ARL15: variants seen among roughly 807,000 people sequenced by gnomAD.
ARL15 encodes the protein ADP-ribosylation factor-like protein 15.
A neutral mutation model predicts 25.2 loss-of-function variants in ARL15; 19 were observed. That is an observed-to-expected ratio of 0.75 (90% CI 0.53 to 1.10). The LOEUF is 1.10. ARL15 is among the 50% of genes least tolerant of loss of function. The probability of loss-of-function intolerance (pLI) is 0.00; values close to 1 mark genes in which losing one functional copy is unlikely to be tolerated. For synonymous variants in ARL15, 94 were observed against 86.8 expected (o/e 1.08, Z -0.46); for missense variants, 220 against 246.0 (o/e 0.89, Z 0.71).
chr5:54,036,921 T>C (rs1750185903), intron 4 of ARL15, among the ~76,000 whole-genome samples: 1 of 152,148 alleles, frequency 6.6e-6, no homozygotes, highest in Non-Finnish European at 1.5e-5. Flanking sequence ...AAAGGGATGA[T>C]TTTATTTTTA....
At chr5:54,013,904 TG>T (rs1749323609) in intron 4 of ARL15, among the ~76,000 whole-genome samples, 1 of 152,134 alleles carries the variant, frequency 6.6e-6, no homozygotes, top group African/African-American at 2.4e-5. Context: ...GAGACAGACT[TG>T]AGTAATAACT....
At chr5:54,231,545 C>T (rs1756671816) in intron 1 of ARL15, among the ~76,000 whole-genome samples, 1 of 152,208 alleles carries the variant, frequency 6.6e-6, no homozygotes, top group African/African-American at 2.4e-5. Context: ...TGGCAGAGCT[C>T]ATCAGCTTCT....
In ARL15 at chr5:54,035,005, A is replaced by G. The variant is rs1286341592; in HGVS notation, c.462+78197T>C. The stretch of plus-strand genomic sequence containing the variant: ...CTTTTTGAATGACTTAATCTAAAAT[A>G]TTAAAATTCTAACAAGTCAAAACAC... On this transcript the variant is annotated intron_variant, in intron 4 of 4. Coordinates refer to ENST00000504924, the MANE Select transcript of ARL15 (RefSeq NM_019087.3). Among the ~76,000 whole-genome samples the G allele has an allele frequency of 5.3e-5, 8 of 152,244 alleles. No homozygotes were observed. The South Asian group carries it at 1.2e-3, about 24-fold the overall frequency.
At chr5:54,062,725 A>G (rs1359525926) in intron 4 of ARL15, among the ~76,000 whole-genome samples, 1 of 152,172 alleles carries the variant, frequency 6.6e-6, no homozygotes, top group Non-Finnish European at 1.5e-5. Context: ...ATGAAAATGG[A>G]CTAATACATA....
chr5:54,083,222 AAAG>A (rs1191952363), intron 4 of ARL15, among the ~76,000 whole-genome samples: 4 of 152,258 alleles, frequency 2.6e-5, no homozygotes, highest in African/African-American at 9.6e-5. Flanking sequence ...TCCAATTAAA[AAAG>A]AAGAATAAAG....
intron 4 of ARL15, among the ~76,000 whole-genome samples, chr5:53,918,805 T>C (rs935238087): frequency 1.3e-5 from 2 of 148,696 alleles, no homozygotes; most frequent in Non-Finnish European, 3.0e-5. Context: ...TTGAAATATA[T>C]CTTATAATTT....
intron 3 of ARL15, among the ~76,000 whole-genome samples, chr5:54,126,553 C>T (rs1333397198): frequency 6.6e-6 from 1 of 152,170 alleles, no homozygotes; most frequent in Non-Finnish European, 1.5e-5. Flanking sequence ...GAATGTGTCC[C>T]CCAAAAAGCA....
chr5:54,303,065 C>G (rs1758654141), intron 1 of ARL15, among the ~76,000 whole-genome samples: 1 of 152,102 alleles, frequency 6.6e-6, no homozygotes, highest in Non-Finnish European at 1.5e-5. Flanking sequence ...TCTCTTTAGT[C>G]TACCTTAGAA....
chr5:54,128,968 G>A (rs1395668970), intron 3 of ARL15, among the ~76,000 whole-genome samples: 2 of 152,082 alleles, frequency 1.3e-5, no homozygotes, highest in Non-Finnish European at 2.9e-5. Flanking sequence ...GCCTCTCAAA[G>A]TGCTGGATTA....
At chr5:54,022,488 C>A (rs1749637731) in intron 4 of ARL15, among the ~76,000 whole-genome samples, 1 of 152,098 alleles carries the variant, frequency 6.6e-6, no homozygotes, top group Admixed American at 6.6e-5. Flanking sequence ...TCTTATCAAA[C>A]AGAGAAGATT....
intron 4 of ARL15, among the ~76,000 whole-genome samples, chr5:54,094,142 A>G (rs1752214649): frequency 6.6e-6 from 1 of 152,196 alleles, no homozygotes; most frequent in African/African-American, 2.4e-5. Flanking sequence ...CCACCTGCTT[A>G]GCAAATGTCA....
chr5:54,171,626 A>C (rs1007325594), intron 2 of ARL15, among the ~76,000 whole-genome samples, 158 bp downstream of exon 2: 1 of 152,232 alleles, frequency 6.6e-6, no homozygotes, highest in Non-Finnish European at 1.5e-5. Flanking sequence ...TATTAAATTC[A>C]TTTCAAATCT....
At chr5:53,938,227 T>G (rs1277899262) in intron 4 of ARL15, among the ~76,000 whole-genome samples, 1 of 142,474 alleles carries the variant, frequency 7.0e-6, no homozygotes, top group Non-Finnish European at 1.5e-5. Flanking sequence ...TTATCCATAT[T>G]TCTCCTTGGT....
chr5:53,957,534 C>T (rs1209174183), intron 4 of ARL15, among the ~76,000 whole-genome samples: 2 of 151,992 alleles, frequency 1.3e-5, no homozygotes, highest in Admixed American at 6.6e-5. Context: ...TAAAGAATGC[C>T]GTTAAAAGTA....
intron 4 of ARL15, among the ~76,000 whole-genome samples, chr5:53,903,847 A>C (rs62372373): frequency 0.099 from 15,146 of 152,270 alleles, 837 homozygotes; most frequent in Non-Finnish European, 0.13. Context: ...CACTCAGTCT[A>C]CACAGTCACT....
chr5:54,203,915 A>T (rs369181905), intron 1 of ARL15, among the ~76,000 whole-genome samples: 1 of 152,184 alleles, frequency 6.6e-6, no homozygotes, highest in African/African-American at 2.4e-5. Flanking sequence ...GAGGGTATTA[A>T]GGTCATGAAA....
intron 1 of ARL15, among the ~76,000 whole-genome samples, chr5:54,230,085 C>T (rs1756625008): frequency 6.6e-6 from 1 of 152,118 alleles, no homozygotes; most frequent in South Asian, 2.1e-4. Flanking sequence ...CAGTGCTCTG[C>T]TCACCCCTGT....
chr5:54,199,135 C>A (rs1755641158), intron 1 of ARL15, among the ~76,000 whole-genome samples: 1 of 152,092 alleles, frequency 6.6e-6, no homozygotes, highest in South Asian at 2.1e-4. Flanking sequence ...ACATCTTATA[C>A]AAAAATCAAT....
chr5:54,038,593 T>C (rs1459986953), intron 4 of ARL15, among the ~76,000 whole-genome samples: 2 of 152,056 alleles, frequency 1.3e-5, no homozygotes, highest in Non-Finnish European at 2.9e-5. Flanking sequence ...TAAACCAAAA[T>C]TAGAGTGATA....
Sources: allele counts gnomAD v4.1 joint callset (sites outside exome capture counted in the v4.1 genomes callset), GRCh38; gene constraint gnomAD v4.1.1; transcripts MANE v1.5; gene names NCBI Gene and HGNC (gene_info 2026-07-23, HGNC 2026-07-21).